The following FHDC1 variants were observed in gnomAD, a reference collection of about 807,000 sequenced individuals.
The protein encoded by FHDC1 is FH2 domain-containing protein 1.
Under a neutral mutation model 52.6 loss-of-function variants are expected in FHDC1, and 25 were observed. The ratio of observed to expected loss-of-function variants is 0.48; its 90% CI spans 0.35 to 0.66. The LOEUF is 0.66. FHDC1 is among the 30% of genes least tolerant of loss of function. The probability of loss-of-function intolerance (pLI) is 0.01; values close to 1 mark genes in which losing one functional copy is unlikely to be tolerated. For synonymous variants in FHDC1, 616 were observed against 581.5 expected, an observed-to-expected ratio of 1.06 and a Z score of -0.85; for missense variants, 1,459 against 1,452.8, an observed-to-expected ratio of 1.00 and a Z score of -0.07.
chr4:152,952,791 A>C (rs1739967287), intron 2 of FHDC1, among the ~76,000 whole-genome samples: 1 of 152,180 alleles, frequency 6.6e-6, no homozygotes, highest in South Asian at 2.1e-4. Flanking sequence ...TCAACTTACG[A>C]TGGGGCTGCA....
chr4:152,942,143 G>A (rs1739591039), intron 1 of FHDC1, among the ~76,000 whole-genome samples: 1 of 152,196 alleles, frequency 6.6e-6, no homozygotes, highest in African/African-American at 2.4e-5. Context: ...TGCTAAAAGT[G>A]TCAGAAGCAG....
intron 1 of FHDC1, among the ~76,000 whole-genome samples, chr4:152,941,460 G>A (rs1321938724): frequency 2.0e-5 from 3 of 152,166 alleles, no homozygotes; most frequent in Admixed American, 6.5e-5. Flanking sequence ...AGGCATCTTG[G>A]TAAGGACCAT....
At chr4:152,929,373 G>T in the FHDC1 span, among the ~76,000 whole-genome samples, 1 of 152,202 alleles carries the variant, frequency 6.6e-6, no homozygotes, top group African/African-American at 2.4e-5. The surrounding 1 kb of genome is among the most constrained non-coding windows in gnomAD (Gnocchi z 4.1). Context: ...GCAGAGGGAT[G>T]ACTTTGAGTT....
At chr4:152,933,925 T>C (rs1397990676), upstream of FHDC1, among the ~76,000 whole-genome samples, 14 of 152,000 alleles carry the variant, frequency 9.2e-5, no homozygotes, top group Non-Finnish European at 1.5e-5. Flanking sequence ...AAGAGGTAGG[T>C]AGTGTGATGA....
At chr4:152,937,794 G>T (rs1341478639) in intron 1 of FHDC1, among the ~76,000 whole-genome samples, 2 of 152,132 alleles carry the variant, frequency 1.3e-5, no homozygotes, top group East Asian at 3.9e-4. Context: ...CGCGGCCCGT[G>T]GGCCGCCCAC....
the FHDC1 span, among the ~76,000 whole-genome samples, chr4:152,921,195 A>G: frequency 6.6e-6 from 1 of 151,976 alleles, no homozygotes; most frequent in Non-Finnish European, 1.5e-5. Flanking sequence ...TAACTTTTAA[A>G]TAACTTTTGA....
intron 1 of FHDC1, among the ~76,000 whole-genome samples, chr4:152,937,084 C>A (rs1739405686): frequency 6.6e-6 from 1 of 152,198 alleles, no homozygotes; most frequent in South Asian, 2.1e-4. Context: ...AGCCTCCAAA[C>A]AAGGGGTGTC....
chr4:152,936,670 C>A (rs1739389535), intron 1 of FHDC1, among the ~76,000 whole-genome samples: 1 of 152,264 alleles, frequency 6.6e-6, no homozygotes, highest in African/African-American at 2.4e-5. Context: ...GAACAGCGAT[C>A]GGTCCCTGGA....
Position 152,974,684 on chromosome 4 carries a change from G to T in FHDC1, c.1393G>T (p.Asp465Tyr). The T allele has an allele frequency of 6.6e-7, 1 of 1,508,342 alleles. No homozygotes were observed. The highest frequency in any genetic ancestry group is 1.4e-5 in the South Asian group (1 of 73,700). 93.4% of individuals were successfully genotyped at this position (1,508,342 alleles called of 1,614,324 possible). A position where few individuals can be genotyped will look rare whatever the true frequency, so the allele number is the denominator to read the frequency against. Reference protein sequence around the residue: ...KFNKAVKDNHDREAQELRQLQ... With the variant: ...KFNKAVKDNHYREAQELRQLQ... ...TCTCTCCATCCCTCAGGACAACCAC[G>T]ACCGGGAGGCGCAGGAGCTGAGGCA... is the stretch of plus-strand genomic sequence containing the variant. The change falls in exon 12 of 12, where the codon GAC becomes TAC. Residue 465 changes from aspartate to tyrosine, a missense_variant. Physicochemically the swap from Asp to Tyr is radical, Grantham distance 160. Around this residue, in one of 3 missense-constraint regions of FHDC1, gnomAD observed 513 missense variants for 581.5 expected, o/e 0.88. Transcript: ENST00000511601.
the FHDC1 span, among the ~76,000 whole-genome samples, chr4:152,914,114 A>G: frequency 6.6e-6 from 1 of 152,198 alleles, no homozygotes; most frequent in African/African-American, 2.4e-5. Context: ...GACCAGCTGT[A>G]TTTTGCATTA....
the FHDC1 span, among the ~76,000 whole-genome samples, chr4:152,914,840 A>G: frequency 1.3e-5 from 2 of 152,108 alleles, no homozygotes; most frequent in South Asian, 4.1e-4. Flanking sequence ...CTCTCACTAC[A>G]TCTTGAAGCT....
Position 152,979,048 on chromosome 4 carries a change from G to A in FHDC1, c.*2325G>A, listed in dbSNP as rs1740994722. The A allele has an allele frequency of 6.6e-6, 1 of 152,218 alleles. No individual in the cohort carries two copies. The highest frequency in any genetic ancestry group is 1.5e-5 in the Non-Finnish European group (1 of 68,046). 9.4% of individuals were successfully genotyped at this position (152,218 alleles called of 1,614,324 possible). ...CAGTTCAAAGCATAAGGTCCATGGT[G>A]GTGGAAAATGGATGCAAGTGATTCT... On this transcript the variant is annotated 3_prime_UTR_variant, in exon 12 of 12. Transcript: ENST00000511601.
At position 152,972,559 on chromosome 4, in the gene FHDC1, T is replaced by A; in HGVS notation, c.1383+18T>A. The A allele has an allele frequency of 1.3e-6, 2 of 1,598,172 alleles. No homozygotes were observed. Among genetic ancestry groups the A allele is most frequent in the Non-Finnish European group, 1.7e-6 (2 of 1,174,762 alleles). ...CAGTTAAGGTACATCTGGCAGCATC[T>A]GTGTCTTGGGGTTGTTTGGATTTTT... On this transcript the variant is annotated intron_variant, in intron 11 of 11. Coordinates refer to ENST00000511601, the MANE Select transcript of FHDC1 (RefSeq NM_001371116.1).
At chr4:152,914,435 AAGG>A in the FHDC1 span, among the ~76,000 whole-genome samples, 1 of 152,192 alleles carries the variant, frequency 6.6e-6, no homozygotes, top group Admixed American at 6.5e-5. Context: ...GGTAGGGAAA[AAGG>A]AGACTAGAAA....
chr4:152,972,971 C>G (rs568410023), intron 11 of FHDC1, among the ~76,000 whole-genome samples: 1 of 152,192 alleles, frequency 6.6e-6, no homozygotes, highest in African/African-American at 2.4e-5. Context: ...CCTCCCTTTC[C>G]CTTCTTCCAA....
Position 152,976,081 on chromosome 4 carries a change from T to TC in FHDC1, c.2796dup (p.Ser933GlnfsTer66), listed in dbSNP as rs1271463798. The TC allele has an allele frequency of 3.1e-6, 5 of 1,603,052 alleles. No individual in the cohort carries two copies. Among genetic ancestry groups the TC allele is most frequent in the Non-Finnish European group, 4.3e-6 (5 of 1,175,524 alleles). On this transcript the variant is annotated frameshift_variant, in exon 12 of 12. Transcript: ENST00000511601. LOFTEE classifies it low-confidence loss of function (END_TRUNC). ...TGTCATCCCGGGGGCCCTCCCAGAA[T>TC]CCCCCCAGCAGCACAGATACTGTGT...
At chr4:152,927,599 C>T in the FHDC1 span, 9 of 1,606,124 alleles carry the variant, frequency 5.6e-6, no homozygotes, top group East Asian at 2.2e-5. Context: ...TTATGACCCT[C>T]GATCTCTATA....
chr4:152,963,701 C>T (rs112244863), intron 8 of FHDC1, among the ~76,000 whole-genome samples: 2 of 143,994 alleles, frequency 1.4e-5, no homozygotes, highest in African/African-American at 5.1e-5. Context: ...TGTCTTTCTC[C>T]GTGAACCATG....
chr4:152,950,447 A>G (rs994588693), intron 2 of FHDC1, among the ~76,000 whole-genome samples: 1 of 152,150 alleles, frequency 6.6e-6, no homozygotes, highest in Non-Finnish European at 1.5e-5. Flanking sequence ...GTTTGGGTGA[A>G]GTGCTGGGCT....
Sources: gnomAD v4.1 joint callset for allele counts (sites outside exome capture counted in the v4.1 genomes callset) on GRCh38, gnomAD v4.1.1 for gene constraint, gnomAD v4.1.1 regional missense constraint, Gnocchi (gnomAD v3.1) non-coding constraint, MANE v1.5 for transcripts, NCBI Gene and HGNC (gene_info 2026-07-23, HGNC 2026-07-21) for gene names.